The following EIF4E1B variants were observed in gnomAD, a reference collection of about 807,000 sequenced individuals.
EIF4E1B encodes eukaryotic translation initiation factor 4E type 1B.
A neutral mutation model predicts 31.3 loss-of-function variants in EIF4E1B; 22 were observed. The observed-to-expected ratio is 0.70, with a 90% confidence interval of 0.50 to 1.00. The LOEUF (loss-of-function observed/expected upper bound fraction) is 1.00, where lower values mean the gene tolerates loss of function less well. Ranked by LOEUF, EIF4E1B falls within the 50% of genes least tolerant of loss-of-function variation. The pLI is 0.00. For missense variants in EIF4E1B, 290 were observed against 311.6 expected, an observed-to-expected ratio of 0.93 and a Z score of 0.52; for synonymous variants, 126 against 120.2, an observed-to-expected ratio of 1.05 and a Z score of -0.31.
intron 3 of EIF4E1B, 68 bp downstream of exon 3, chr5:176,642,870 CAGGTGGG>C: frequency 1.4e-6 from 2 of 1,426,046 alleles, no homozygotes; most frequent in Non-Finnish European, 1.9e-6. Flanking sequence ...CCCCCCGCCC[CAGGTGGG>C]CGGGGCAGGT....
intron 1 of EIF4E1B, among the ~76,000 whole-genome samples, chr5:176,637,349 G>T: frequency 6.6e-6 from 1 of 152,222 alleles, no homozygotes; most frequent in East Asian, 1.9e-4. Flanking sequence ...TGAGGCAGGA[G>T]AATCCTTTGA....
intron 1 of EIF4E1B, among the ~76,000 whole-genome samples, chr5:176,636,127 A>G (rs1760489252): frequency 6.6e-6 from 1 of 152,168 alleles, no homozygotes. Flanking sequence ...AGATTCACCA[A>G]TTATTAGCAT....
intron 1 of EIF4E1B, among the ~76,000 whole-genome samples, chr5:176,639,307 G>C (rs1245585664): frequency 6.6e-6 from 1 of 152,186 alleles, no homozygotes; most frequent in Non-Finnish European, 1.5e-5. Flanking sequence ...TTTAGGAACA[G>C]GATGGTAGGG....
intron 1 of EIF4E1B, among the ~76,000 whole-genome samples, chr5:176,631,393 G>C (rs1760379939): frequency 6.6e-6 from 1 of 152,180 alleles, no homozygotes; most frequent in South Asian, 2.1e-4. Flanking sequence ...TTGGTTCTAT[G>C]ATAGAATTAT....
chr5:176,645,000 A>C, intron 6 of EIF4E1B, 130 bp from the exon 7 acceptor site: 1 of 772,244 alleles, frequency 1.3e-6, no homozygotes, highest in Non-Finnish European at 2.1e-6. Flanking sequence ...GCTTGCACTG[A>C]GGGAAGGGAG....
chr5:176,639,172 T>G (rs147630485), intron 1 of EIF4E1B, among the ~76,000 whole-genome samples: 154 of 152,264 alleles, frequency 1.0e-3, no homozygotes, highest in African/African-American at 3.5e-3. Flanking sequence ...CCTGGAGAAC[T>G]TTCTGTAGGA....
chr5:176,642,732 G>A lies in EIF4E1B; in HGVS notation c.-56G>A. On this transcript the variant is annotated 5_prime_UTR_variant, in exon 3 of 9. Transcript: ENST00000318682. ...CAGGTCTTGGCCCCCATGGTGTGGG[G>A]CTTGGTCACAGCTGCTTCCCCAGCC... 2 of 1,553,232 alleles carry A rather than the reference G, an allele frequency of 1.3e-6. No homozygotes were observed. The highest frequency in any genetic ancestry group is 1.7e-6 in the Non-Finnish European group (2 of 1,148,174).
rs1760622394 is a variant in EIF4E1B, at chr5:176,643,195, G to A, written c.129G>A (p.Leu43=). Reference sequence around the variant, plus strand: ...CTCCAAACTCTCCCAGGACTTTGCTGTCTCTGAGAGGGAAGGCCCGGACGG... The same window carrying A: ...CTCCAAACTCTCCCAGGACTTTGCTATCTCTGAGAGGGAAGGCCCGGACGG... ...EKSPNSPRTL[L]SLRGKARTGG... is the part of the protein sequence containing the mutation. The change falls in exon 4 of 9, where the codon CTG becomes CTA. Residue 43 remains leucine (L), a synonymous_variant. Coordinates refer to ENST00000318682, the MANE Select transcript of EIF4E1B (RefSeq NM_001099408.2). 6.2e-7 allele frequency: 1 copy of A among 1,613,714 alleles called. No homozygotes were observed. Among genetic ancestry groups the A allele is most frequent in the Non-Finnish European group, 8.5e-7 (1 of 1,179,876 alleles).
At chr5:176,639,502 T>C (rs1255743860) in intron 1 of EIF4E1B, among the ~76,000 whole-genome samples, 1 of 151,994 alleles carries the variant, frequency 6.6e-6, no homozygotes, top group East Asian at 1.9e-4. Context: ...CTGTGGGAAG[T>C]GGTGGGAAGG....
chr5:176,643,583 CG>C, intron 4 of EIF4E1B, 55 bp from the exon 5 acceptor site: 5 of 1,525,630 alleles, frequency 3.3e-6, no homozygotes, highest in Non-Finnish European at 3.6e-6. Context: ...CCAGGTGCCC[CG>C]GGGGTGGACT....
In EIF4E1B at chr5:176,642,809, A is replaced by G. The variant is rs748181057; in HGVS notation, c.15+7A>G. On this transcript the variant is annotated splice_region_variant and intron_variant, in intron 3 of 8. Coordinates refer to ENST00000318682, the MANE Select transcript of EIF4E1B (RefSeq NM_001099408.2). ...CTAAATGCTTGCTGTTGAGGTAATCAGCCTGGCCTCTCTACCCCCAGTGCA... is the reference window on the plus strand; with the variant it reads ...CTAAATGCTTGCTGTTGAGGTAATCGGCCTGGCCTCTCTACCCCCAGTGCA... 1 of 1,526,216 alleles carries G rather than the reference A, an allele frequency of 6.6e-7. No individual in the cohort carries two copies. Among genetic ancestry groups the G allele is most frequent in the South Asian group, 1.2e-5 (1 of 83,282 alleles). 94.5% of individuals were successfully genotyped at this position (1,526,216 alleles called of 1,614,324 possible). A position where few individuals can be genotyped will look rare whatever the true frequency, so the allele number is the denominator to read the frequency against.
intron 1 of EIF4E1B, among the ~76,000 whole-genome samples, chr5:176,633,864 G>A (rs924354866): frequency 6.6e-5 from 10 of 152,168 alleles, no homozygotes; most frequent in African/African-American, 2.4e-4. Flanking sequence ...ATTTTATGGG[G>A]CCAAACGGAG....
At chr5:176,640,571 GC>G (rs1760556836) in intron 1 of EIF4E1B, among the ~76,000 whole-genome samples, 1 of 151,940 alleles carries the variant, frequency 6.6e-6, no homozygotes. Flanking sequence ...CTTCTCTGCC[GC>G]CCCCTCTGTC....
At chr5:176,632,829 TGA>T (rs747949007) in intron 1 of EIF4E1B, among the ~76,000 whole-genome samples, 37 of 152,360 alleles carry the variant, frequency 2.4e-4, no homozygotes, top group Non-Finnish European at 3.5e-4. Context: ...CCTTCCCCTC[TGA>T]GAGATGACTA....
chr5:176,639,338 C>A (rs1760540403), intron 1 of EIF4E1B, among the ~76,000 whole-genome samples: 1 of 152,170 alleles, frequency 6.6e-6, no homozygotes, highest in African/African-American at 2.4e-5. Flanking sequence ...AGAGCCCCTG[C>A]TGGTTCAATC....
At chr5:176,643,577 G>C in intron 4 of EIF4E1B, 62 bp from the exon 5 acceptor site, 3 of 1,503,752 alleles carry the variant, frequency 2.0e-6, no homozygotes, top group Non-Finnish European at 2.7e-6. Context: ...GTCAGTCCAG[G>C]TGCCCCGGGG....
chr5:176,645,686 T>TA lies in EIF4E1B; in HGVS notation c.614+171dup. The TA allele has an allele frequency of 1.7e-6, 2 of 1,174,748 alleles. No individual in the cohort carries two copies. The highest frequency in any genetic ancestry group is 2.3e-6 in the Non-Finnish European group (2 of 856,520). 72.8% of individuals were successfully genotyped at this position (1,174,748 alleles called of 1,614,324 possible). ...GGCGTTCAGATTTCTAACTTTCTCT[T>TA]ACGGCAGTGCAGCTCTCCTTTTGCA... On this transcript the variant is annotated intron_variant, in intron 8 of 8. Coordinates refer to ENST00000318682, the MANE Select transcript of EIF4E1B (RefSeq NM_001099408.2). The surrounding 1 kb of genome is among the most constrained non-coding windows in gnomAD (Gnocchi z 5.4).
intron 1 of EIF4E1B, among the ~76,000 whole-genome samples, chr5:176,634,369 A>G (rs1457305909): frequency 6.6e-6 from 1 of 152,164 alleles, no homozygotes; most frequent in Non-Finnish European, 1.5e-5. Flanking sequence ...AGGAACACCT[A>G]GATTTGTGGT....
chr5:176,637,231 G>A (rs1047591171), intron 1 of EIF4E1B, among the ~76,000 whole-genome samples: 5 of 152,194 alleles, frequency 3.3e-5, no homozygotes, highest in African/African-American at 1.2e-4. Context: ...CTGCGGTCAC[G>A]AGTTCGAGAC....
Sources: allele counts gnomAD v4.1 joint callset (sites outside exome capture counted in the v4.1 genomes callset), GRCh38; gene constraint gnomAD v4.1.1; non-coding constraint Gnocchi (gnomAD v3.1); transcripts MANE v1.5; gene names NCBI Gene and HGNC (gene_info 2026-07-23, HGNC 2026-07-21).